The following PER2 variants were observed in gnomAD, a reference collection of about 807,000 sequenced individuals.
PER2 encodes the protein period circadian regulator 2, also known as period circadian protein homolog 2.
In PER2, 66 loss-of-function variants were observed where a neutral mutation model predicts 121.0. The ratio of observed to expected loss-of-function variants is 0.55; its 90% CI spans 0.45 to 0.67. The LOEUF (loss-of-function observed/expected upper bound fraction) is 0.67, where lower values mean the gene tolerates loss of function less well. PER2 is among the 30% of genes least tolerant of loss of function. PER2 has a pLI of 0.00. For missense variants in PER2, 1,521 were observed against 1,635.0 expected, an observed-to-expected ratio of 0.93 and a Z score of 1.20; for synonymous variants, 684 against 659.9, an observed-to-expected ratio of 1.04 and a Z score of -0.56.
At chr2:238,275,605 C>G (rs1183748367) in intron 4 of PER2, 138 bp downstream of exon 4, 3 of 939,566 alleles carry the variant, frequency 3.2e-6, no homozygotes, top group Non-Finnish European at 5.2e-6. Flanking sequence ...AGCGGAATCG[C>G]TTAAGCCCAG....
At chr2:238,289,277 A>G (rs1043117759), upstream of PER2, 1 of 152,232 alleles carries the variant, frequency 6.6e-6, no homozygotes, top group African/African-American at 2.4e-5. Flanking sequence ...TCATTCACGC[A>G]TTCACATTCA....
At chr2:238,297,242 A>G in the PER2 span, among the ~76,000 whole-genome samples, 1 of 152,196 alleles carries the variant, frequency 6.6e-6, no homozygotes, top group African/African-American at 2.4e-5. Context: ...ATGACAAAGG[A>G]AAGGGGCTCT....
chr2:238,258,778 G>T, intron 14 of PER2, 134 bp from the exon 15 acceptor site: 1 of 893,886 alleles, frequency 1.1e-6, no homozygotes. Context: ...TGGAAGCCTG[G>T]GGACAGCCTG....
chr2:238,272,208 AG>A (rs1353992811), intron 5 of PER2, among the ~76,000 whole-genome samples: 2 of 152,242 alleles, frequency 1.3e-5, no homozygotes, highest in Non-Finnish European at 2.9e-5. Flanking sequence ...TATGGCTGGA[AG>A]AAACCCCAGC....
intron 22 of PER2, among the ~76,000 whole-genome samples, chr2:238,248,271 G>C (rs1228438777): frequency 6.6e-6 from 1 of 152,232 alleles, no homozygotes; most frequent in Non-Finnish European, 1.5e-5. Context: ...GTGACACTGT[G>C]TTCGGCTGCT....
chr2:238,260,791 A>G, intron 13 of PER2, 37 bp downstream of exon 13: 1 of 1,613,428 alleles, frequency 6.2e-7, no homozygotes, highest in African/African-American at 1.3e-5. Context: ...GGACATCCAC[A>G]AACTCATTTT....
rs549570126 is a variant in PER2, at chr2:238,263,981, G to T, written c.1047-923C>A. The stretch of plus-strand genomic sequence containing the variant: ...AGTGGGGGAACAGGAAGGAAAAAGA[G>T]GGGGAGGAGGAAGAGGAGGGAGCAG... On this transcript the variant is annotated intron_variant, in intron 9 of 22. Transcript: ENST00000254657. Among the ~76,000 whole-genome samples, 5 of 151,724 alleles carry T rather than the reference G, an allele frequency of 3.3e-5. No individual in the cohort carries two copies. In the East Asian group the frequency reaches 9.8e-4, roughly 30 times the overall value.
chr2:238,260,190 G>T, intron 13 of PER2, 137 bp from the exon 14 acceptor site: 1 of 621,830 alleles, frequency 1.6e-6, no homozygotes, highest in Non-Finnish European at 2.9e-6. Context: ...TCTGACAGGT[G>T]TAGAGCTAGA....
At chr2:238,296,696 G>A in the PER2 span, among the ~76,000 whole-genome samples, 18 of 9,274 alleles carry the variant, frequency 1.9e-3, no homozygotes, top group East Asian at 0.034. Flanking sequence ...AGAGTCAGTT[G>A]TGTGCCCTGT....
the PER2 span, among the ~76,000 whole-genome samples, chr2:238,296,127 T>C: frequency 0.5 from 5 of 10 alleles, no homozygotes; most frequent in African/African-American, 0.5. Context: ...GCAGAGTCAG[T>C]CGTGTGCCCT....
chr2:238,277,835 C>T lies in PER2; in HGVS notation c.102G>A (p.Met34Ile). The change falls in exon 2 of 23, where the codon ATG becomes ATA. Residue 34 changes from methionine to isoleucine, a missense_variant. Met to Ile is a conservative substitution (Grantham distance 10, BLOSUM62 1). Coordinates refer to ENST00000254657, the MANE Select transcript of PER2 (RefSeq NM_022817.3). ...TCTCATGTCCACTGGAGCCACTGCT[C>T]ATGTCCACATCTTCCTGCAGTGGGA... is the stretch of plus-strand genomic sequence containing the variant. ...SQVPLQEDVDMSSGSSGHETN... is the reference protein window; with the variant it reads ...SQVPLQEDVDISSGSSGHETN... 6.2e-7 allele frequency: 1 copy of T among 1,614,216 alleles called. No individual in the cohort carries two copies. Among genetic ancestry groups the T allele is most frequent in the Non-Finnish European group, 8.5e-7 (1 of 1,180,038 alleles).
chr2:238,292,482 C>T (rs1415038589), upstream of PER2, among the ~76,000 whole-genome samples: 2 of 152,164 alleles, frequency 1.3e-5, no homozygotes, highest in African/African-American at 4.8e-5. Flanking sequence ...GATCACAGAG[C>T]TGGTGGCACA....
chr2:238,260,711 C>T lies in PER2; in HGVS notation c.1542+117G>A, dbSNP rs910000607. The T allele has an allele frequency of 3.5e-6, 4 of 1,129,252 alleles. No homozygotes were observed. In the Admixed American group the frequency reaches 5.2e-5, roughly 15 times the overall value. 70.0% of individuals were successfully genotyped at this position (1,129,252 alleles called of 1,614,324 possible). A position where few individuals can be genotyped will look rare whatever the true frequency, so the allele number is the denominator to read the frequency against. Reference sequence around the variant, plus strand: ...TGGACAAAGTTTAGAAAGGAAGCAGCAACAGCTGCAATCAGGAAGCCCCTC... The same window carrying T: ...TGGACAAAGTTTAGAAAGGAAGCAGTAACAGCTGCAATCAGGAAGCCCCTC... On this transcript the variant is annotated intron_variant, in intron 13 of 22. Transcript: ENST00000254657.
chr2:238,258,329 A>G lies in PER2; in HGVS notation c.1847T>C (p.Leu616Pro). 1.2e-6 allele frequency: 2 copies of G among 1,614,128 alleles called. No homozygotes were observed. Among genetic ancestry groups the G allele is most frequent in the South Asian group, 1.1e-5 (1 of 91,078 alleles). The change falls in exon 16 of 23, where the codon CTA (leucine) becomes CCA (proline). Residue 616 changes from leucine (L) to proline (P), a missense_variant. Coordinates refer to ENST00000254657, the MANE Select transcript of PER2 (RefSeq NM_022817.3). ...GGCCTTCCGCTTATCACTGGACCTT[A>G]GCGCTGGGACGTTTGCTGGGAACTC... ...KCEFPANVPALRSSDKRKATV... is the reference protein window; with the variant it reads ...KCEFPANVPAPRSSDKRKATV...
chr2:238,262,418 G>A, intron 10 of PER2, 74 bp from the exon 11 acceptor site: 2 of 1,453,404 alleles, frequency 1.4e-6, no homozygotes, highest in Non-Finnish European at 1.9e-6. Flanking sequence ...GACAAGTCAA[G>A]AGTCACTCAG....
At position 238,253,829 on chromosome 2, in the gene PER2, C is replaced by T. The variant is rs1488125584; in HGVS notation, c.2321-127G>A. 1.9e-5 allele frequency: 14 copies of T among 730,408 alleles called. No homozygotes were observed. In the Admixed American group the frequency reaches 3.0e-4, roughly 16 times the overall value. The allele number at this position is 730,408 out of a possible 1,614,324, so 45.2% of individuals were successfully genotyped here. On this transcript the variant is annotated intron_variant, in intron 18 of 22. Coordinates refer to ENST00000254657, the MANE Select transcript of PER2 (RefSeq NM_022817.3). This position sits in a 1 kb window ranked among gnomAD's most constrained non-coding sequence, Gnocchi z 5.6. ...CTGCCTGGTCCACCGAGCGGTTTTC[C>T]CTGATCCTCAGTGAAGTGAGAAAAA...
At chr2:238,250,843 G>A (rs1695578690) in intron 20 of PER2, 100 bp from the exon 21 acceptor site, 7 of 820,264 alleles carry the variant, frequency 8.5e-6, no homozygotes, top group Non-Finnish European at 1.2e-5. Flanking sequence ...AGAGAGCCCA[G>A]TGCCTTCTTA....
intron 5 of PER2, 70 bp downstream of exon 5, chr2:238,273,000 T>C (rs1696336745): frequency 1.3e-6 from 2 of 1,504,660 alleles, no homozygotes; most frequent in Admixed American, 1.7e-5. Context: ...CCGGCCGCAG[T>C]GCTGAGCTAG....
upstream of PER2, among the ~76,000 whole-genome samples, chr2:238,292,198 G>C (rs77293691): frequency 6.6e-6 from 1 of 152,166 alleles, no homozygotes; most frequent in African/African-American, 2.4e-5. Flanking sequence ...TATCATGCTA[G>C]CTACCTACTG....
Sources: gnomAD v4.1 joint callset for allele counts (sites outside exome capture counted in the v4.1 genomes callset) on GRCh38, gnomAD v4.1.1 for gene constraint, Gnocchi (gnomAD v3.1) non-coding constraint, MANE v1.5 for transcripts, NCBI Gene and HGNC (gene_info 2026-07-23, HGNC 2026-07-21) for gene names.